The following DMRT1 variants were observed in gnomAD, a reference collection of about 807,000 sequenced individuals.
DMRT1 encodes doublesex and mab-3 related transcription factor 1.
A neutral mutation model predicts 32.3 loss-of-function variants in DMRT1; 7 were observed. That is an observed-to-expected ratio of 0.22 (90% CI 0.12 to 0.41). The LOEUF (loss-of-function observed/expected upper bound fraction) is 0.41, where lower values mean the gene tolerates loss of function less well. DMRT1 is among the 10% of genes least tolerant of loss of function. The pLI, the probability that DMRT1 is intolerant of heterozygous loss-of-function variation, is 1.00. For missense variants in DMRT1, 625 were observed against 500.5 expected (o/e 1.25, Z -2.37); for synonymous variants, 278 against 206.1 (o/e 1.35, Z -2.99).
At chr9:944,145 T>C (rs781309981) in intron 4 of DMRT1, among the ~76,000 whole-genome samples, 2 of 152,180 alleles carry the variant, frequency 1.3e-5, no homozygotes, top group Non-Finnish European at 2.9e-5. Flanking sequence ...TTGTGTGGAG[T>C]AAGTGAAATA....
intron 4 of DMRT1, among the ~76,000 whole-genome samples, chr9:940,641 A>G (rs1232078472): frequency 6.6e-6 from 1 of 152,198 alleles, no homozygotes; most frequent in Non-Finnish European, 1.5e-5. Flanking sequence ...GGATTTGGCG[A>G]TGACTTCTTG....
chr9:855,123 A>G (rs1564198693), intron 2 of DMRT1, among the ~76,000 whole-genome samples: 1 of 151,916 alleles, frequency 6.6e-6, no homozygotes, highest in Non-Finnish European at 1.5e-5. Context: ...TGTTTATCTC[A>G]GGGATAGTCT....
chr9:853,917 TC>T (rs1815274220), intron 2 of DMRT1, among the ~76,000 whole-genome samples: 1 of 152,082 alleles, frequency 6.6e-6, no homozygotes, highest in Non-Finnish European at 1.5e-5. Flanking sequence ...CACCTCAGCC[TC>T]CCGAGCAGTT....
chr9:916,677 C>G (rs951483867), intron 3 of DMRT1, 86 bp from the exon 4 acceptor site: 5 of 1,530,256 alleles, frequency 3.3e-6, no homozygotes, highest in Non-Finnish European at 2.7e-6. Context: ...CAGCCTGTTA[C>G]CTTGTTTTAA....
chr9:877,717 A>G (rs1005521919), intron 2 of DMRT1, among the ~76,000 whole-genome samples: 1 of 152,230 alleles, frequency 6.6e-6, no homozygotes, highest in Non-Finnish European at 1.5e-5. Flanking sequence ...AAAGCACGAT[A>G]CAATTAAACA....
intron 3 of DMRT1, among the ~76,000 whole-genome samples, chr9:895,187 T>C (rs953125885): frequency 6.6e-6 from 1 of 152,152 alleles, no homozygotes; most frequent in African/African-American, 2.4e-5. Flanking sequence ...GCATTTTACT[T>C]TATTAGAGAA....
At chr9:896,131 A>G (rs1037661650) in intron 3 of DMRT1, among the ~76,000 whole-genome samples, 1 of 148,422 alleles carries the variant, frequency 6.7e-6, no homozygotes, top group African/African-American at 2.5e-5. Context: ...CCTTTGCCCA[A>G]CATCTTTTTT....
Position 882,337 on chromosome 9 carries a change from C to G in DMRT1, c.539-11575C>G, listed in dbSNP as rs186892527. On this transcript the variant is annotated intron_variant, in intron 2 of 4. Transcript: ENST00000382276. Reference sequence around the variant, plus strand: ...CAGTGGACCCTGTGCTCTACCTGCTCTGCAGGCTCTTCTCTTAACCTTACT... The same window carrying G: ...CAGTGGACCCTGTGCTCTACCTGCTGTGCAGGCTCTTCTCTTAACCTTACT... Among the ~76,000 whole-genome samples the G allele has an allele frequency of 2.5e-3, 380 of 152,322 alleles. 1 individual carries two copies. The highest frequency in any genetic ancestry group is 8.7e-3 in the African/African-American group (361 of 41,584).
intron 3 of DMRT1, among the ~76,000 whole-genome samples, chr9:909,691 A>G (rs1481554075): frequency 6.9e-6 from 1 of 145,004 alleles, no homozygotes; most frequent in African/African-American, 2.6e-5. Context: ...TGTAAGCCAC[A>G]TATGAATACC....
At chr9:945,615 T>G (rs1819215970) in intron 4 of DMRT1, among the ~76,000 whole-genome samples, 1 of 152,224 alleles carries the variant, frequency 6.6e-6, no homozygotes, top group South Asian at 2.1e-4. Flanking sequence ...AAAACTGGTT[T>G]TTCAGAACAT....
At position 962,114 on chromosome 9, in the gene DMRT1, CAT is replaced by C. The variant is rs1304449167; in HGVS notation, c.968-5869_968-5868del. On this transcript the variant is annotated intron_variant, in intron 4 of 4. Coordinates refer to ENST00000382276, the MANE Select transcript of DMRT1 (RefSeq NM_021951.3). Reference sequence around the variant, plus strand: ...AAGACTTAATATATTTTGGTTAAAACATAGTTTTAGAGTGACTTTGACTGTTT... The same window carrying C: ...AAGACTTAATATATTTTGGTTAAAACAGTTTTAGAGTGACTTTGACTGTTT... Among the ~76,000 whole-genome samples the C allele has an allele frequency of 2.0e-5, 3 of 152,178 alleles. No homozygotes were observed. The East Asian group carries it at 5.8e-4, about 29-fold the overall frequency.
chr9:923,186 G>C (rs2129811292), intron 4 of DMRT1, among the ~76,000 whole-genome samples: 1 of 152,266 alleles, frequency 6.6e-6, no homozygotes, highest in Non-Finnish European at 1.5e-5. Flanking sequence ...AAGGTCATCT[G>C]GCTGCACCTC....
At chr9:967,886 T>C in intron 4 of DMRT1, 99 bp from the exon 5 acceptor site, 7 of 1,166,558 alleles carry the variant, frequency 6.0e-6, no homozygotes, top group Non-Finnish European at 8.7e-6. Flanking sequence ...TCACTTTCTT[T>C]GTTGTAACCT....
At chr9:848,639 C>T (rs1839008339) in intron 2 of DMRT1, among the ~76,000 whole-genome samples, 1 of 149,260 alleles carries the variant, frequency 6.7e-6, no homozygotes, top group African/African-American at 2.5e-5. Flanking sequence ...CTGCAACCTC[C>T]ACCTCCTGGG....
chr9:941,338 C>CCCCA lies in DMRT1; in HGVS notation c.967+24432_967+24433insCCAC, dbSNP rs1554760857. Among the ~76,000 whole-genome samples the CCCCA allele has an allele frequency of 5.3e-3, 719 of 135,292 alleles. 4 individuals carry two copies. The highest frequency in any genetic ancestry group is 0.019 in the African/African-American group (607 of 32,628). 88.8% of individuals were successfully genotyped at this position (135,292 alleles called of 152,430 possible). A position where few individuals can be genotyped will look rare whatever the true frequency, so the allele number is the denominator to read the frequency against. ...GCGCACACACACCCCCTCCCCCCCC[C>CCCCA]CACACATATGCAATGGAATATTAAA... is the stretch of plus-strand genomic sequence containing the variant. On this transcript the variant is annotated intron_variant, in intron 4 of 4. Coordinates refer to ENST00000382276, the MANE Select transcript of DMRT1 (RefSeq NM_021951.3).
intron 2 of DMRT1, among the ~76,000 whole-genome samples, chr9:856,608 G>GAT (rs1475259463): frequency 6.6e-6 from 1 of 152,022 alleles, no homozygotes; most frequent in African/African-American, 2.4e-5. Context: ...TCATCATATG[G>GAT]ATATATACCA....
Position 924,088 on chromosome 9 carries a change from T to TTTTCC in DMRT1, c.967+7181_967+7182insTTTCC, listed in dbSNP as rs71327361. 7.5e-4 allele frequency among the ~76,000 whole-genome samples: 108 copies of TTTTCC among 144,302 alleles called. 3 individuals carry two copies. Among genetic ancestry groups the TTTTCC allele is most frequent in the African/African-American group, 1.8e-3 (70 of 39,314 alleles). The allele number at this position is 144,302 out of a possible 152,430, so 94.7% of individuals were successfully genotyped here. A position where few individuals can be genotyped will look rare whatever the true frequency, so the allele number is the denominator to read the frequency against. ...TCAATCTCTTTTTTTTTTTTTTTTT[T>TTTTCC]CCACCTGGAGTCTCTCTCTGTCTCC... On this transcript the variant is annotated intron_variant, in intron 4 of 4. Coordinates refer to ENST00000382276, the MANE Select transcript of DMRT1 (RefSeq NM_021951.3).
At chr9:879,839 A>G (rs573349682) in intron 2 of DMRT1, among the ~76,000 whole-genome samples, 10 of 152,288 alleles carry the variant, frequency 6.6e-5, no homozygotes, top group African/African-American at 2.4e-4. Context: ...TGCATTGGTC[A>G]TTTGGGAAAT....
chr9:942,942 G>A (rs780833932), intron 4 of DMRT1, among the ~76,000 whole-genome samples: 6 of 151,972 alleles, frequency 3.9e-5, no homozygotes, highest in Non-Finnish European at 7.4e-5. Context: ...AAATCGCAGA[G>A]CAGGAATTCA....
Sources: gnomAD v4.1 joint callset for allele counts (sites outside exome capture counted in the v4.1 genomes callset) on GRCh38, gnomAD v4.1.1 for gene constraint, MANE v1.5 for transcripts, NCBI Gene and HGNC (gene_info 2026-07-23, HGNC 2026-07-21) for gene names.